The following ROCK2 variants were observed in gnomAD, a reference collection of about 807,000 sequenced individuals.
The protein encoded by ROCK2 is rho-associated protein kinase 2.
Under a neutral mutation model 195.1 loss-of-function variants are expected in ROCK2, and 61 were observed. The ratio of observed to expected loss-of-function variants is 0.31; its 90% CI spans 0.25 to 0.39. The LOEUF is 0.39. Ranked by LOEUF, ROCK2 falls within the 10% of genes least tolerant of loss-of-function variation. ROCK2 has a pLI of 1.00. For missense variants in ROCK2, 1,109 were observed against 1,637.4 expected, an observed-to-expected ratio of 0.68 and a Z score of 5.57; for synonymous variants, 504 against 545.5, an observed-to-expected ratio of 0.92 and a Z score of 1.06.
chr2:11,207,920 A>G lies in ROCK2; in HGVS notation c.2365-10T>C, dbSNP rs749415909. 3 of 1,542,830 alleles carry G rather than the reference A, an allele frequency of 1.9e-6. No individual in the cohort carries two copies. In the South Asian group the frequency reaches 3.8e-5, roughly 20 times the overall value. ...ATGTCAGGTTTCTAACCTAAGAAATAAATTGTGTACTTGGTATATAAGTAA... is the reference window on the plus strand; with the variant it reads ...ATGTCAGGTTTCTAACCTAAGAAATGAATTGTGTACTTGGTATATAAGTAA... On this transcript the variant is annotated splice_polypyrimidine_tract_variant and intron_variant, in intron 19 of 32. Transcript: ENST00000315872.
intron 3 of ROCK2, among the ~76,000 whole-genome samples, chr2:11,270,685 C>A (rs1341982690): frequency 6.6e-6 from 1 of 152,168 alleles, no homozygotes; most frequent in East Asian, 1.9e-4. Context: ...TTTTTGATCT[C>A]TAGAATTTAT....
chr2:11,192,343 G>C lies in ROCK2; in HGVS notation c.3968C>G (p.Thr1323Arg). ...TGCTAGTAATAACAGATTCTTTGCC[G>C]TTGAAATATCATAATATACTATAAA... is the stretch of plus-strand genomic sequence containing the variant. The part of the protein sequence containing the change: ...APCKVYYDIS[T>R]AKNLLLLANS... The change falls in exon 32 of 33, where the codon ACG becomes AGG. Residue 1323 changes from threonine (T) to arginine (R), a missense_variant. Thr to Arg is a moderately conservative substitution (Grantham distance 71, BLOSUM62 -1). This residue lies in a region of ROCK2 where 221 missense variants were observed against 355.1 expected (regional missense o/e 0.62). Transcript: ENST00000315872. The surrounding 1 kb of genome is among the most constrained non-coding windows in gnomAD (Gnocchi z 5.0). The C allele has an allele frequency of 6.2e-7, 1 of 1,611,986 alleles. No homozygotes were observed. Among genetic ancestry groups the C allele is most frequent in the Non-Finnish European group, 8.5e-7 (1 of 1,178,880 alleles).
rs1449311466 is a variant in ROCK2, at chr2:11,227,170, A to C, written c.868+84T>G. ...ATTCTTCCCTACGACAAAGGCAATT[A>C]ATTTCCTTATATTCTCAAATTCTTG... On this transcript the variant is annotated intron_variant, in intron 6 of 32. Transcript: ENST00000315872. The C allele has an allele frequency of 2.3e-6, 3 of 1,293,510 alleles. No homozygotes were observed. The Admixed American group carries it at 6.5e-5, about 28-fold the overall frequency. 80.1% of individuals were successfully genotyped at this position (1,293,510 alleles called of 1,614,324 possible). A position where few individuals can be genotyped will look rare whatever the true frequency, so the allele number is the denominator to read the frequency against.
At chr2:11,262,784 C>T (rs1666280161) in intron 3 of ROCK2, among the ~76,000 whole-genome samples, 1 of 152,146 alleles carries the variant, frequency 6.6e-6, no homozygotes, top group Non-Finnish European at 1.5e-5. Flanking sequence ...CAGACTAATA[C>T]ACTTGGAAAA....
At chr2:11,255,505 A>G (rs1256668532) in intron 3 of ROCK2, among the ~76,000 whole-genome samples, 1 of 151,232 alleles carries the variant, frequency 6.6e-6, no homozygotes, top group African/African-American at 2.5e-5. Flanking sequence ...AAAAGATGTT[A>G]GATTCAACTG....
intron 3 of ROCK2, among the ~76,000 whole-genome samples, chr2:11,285,113 T>C (rs2148190721): frequency 6.6e-6 from 1 of 151,942 alleles, no homozygotes; most frequent in East Asian, 1.9e-4. Context: ...AAATACAAAA[T>C]TGGCCAGGCG....
chr2:11,318,192 T>A (rs1282721306), intron 1 of ROCK2, among the ~76,000 whole-genome samples: 2 of 152,174 alleles, frequency 1.3e-5, no homozygotes, highest in African/African-American at 4.8e-5. Context: ...TGCCACACTG[T>A]CTTCCACAAT....
intron 1 of ROCK2, among the ~76,000 whole-genome samples, chr2:11,294,539 A>C (rs1183541469): frequency 6.6e-6 from 1 of 152,158 alleles, no homozygotes; most frequent in Non-Finnish European, 1.5e-5. Context: ...ATTTCCCAGA[A>C]CTGCACAGCT....
chr2:11,303,209 C>T (rs1667759229), intron 1 of ROCK2, among the ~76,000 whole-genome samples: 1 of 152,176 alleles, frequency 6.6e-6, no homozygotes. Context: ...TCTCTCCTTC[C>T]TAACTCCTAC....
Position 11,192,395 on chromosome 2 carries a change from G to C in ROCK2, c.3950-34C>G, listed in dbSNP as rs751977482. 1.2e-6 allele frequency: 2 copies of C among 1,602,848 alleles called. No individual in the cohort carries two copies. Among genetic ancestry groups the C allele is most frequent in the East Asian group, 2.2e-5 (1 of 44,828 alleles). ...AAAAATTAGAAAAAAAAATTAATGT[G>C]CTTAAAATGATCTGAACATAACCAA... On this transcript the variant is annotated intron_variant, in intron 31 of 32. Transcript: ENST00000315872. The surrounding 1 kb of genome is among the most constrained non-coding windows in gnomAD (Gnocchi z 5.0).
intron 11 of ROCK2, 174 bp from the exon 12 acceptor site, chr2:11,217,343 C>A (rs746489583): frequency 7.1e-6 from 5 of 707,206 alleles, no homozygotes; most frequent in African/African-American, 7.0e-5. Context: ...GAAAAACTCC[C>A]CCATCTCTTG....
rs191285718 is a variant in ROCK2 at position 11,210,566 on chromosome 2, C to T, written c.2203+1115G>A. Among the ~76,000 whole-genome samples the T allele has an allele frequency of 8.9e-3, 1,357 of 152,242 alleles. 19 individuals carry two copies. The highest frequency in any genetic ancestry group is 0.029 in the African/African-American group (1,201 of 41,530). On this transcript the variant is annotated intron_variant, in intron 18 of 32. Transcript: ENST00000315872. ...ATGTTGCCCATGCCGGTCTCAAACT[C>T]CTGGGCTCAAGAGATCCTCCCACCC...
intron 3 of ROCK2, among the ~76,000 whole-genome samples, chr2:11,263,672 C>CACAA (rs1553308491): frequency 4.5e-4 from 65 of 145,300 alleles, no homozygotes; most frequent in African/African-American, 1.3e-3. Flanking sequence ...CACACACACA[C>CACAA]AAAAAAAAAC....
intron 3 of ROCK2, among the ~76,000 whole-genome samples, chr2:11,283,245 C>T (rs568558775): frequency 3.7e-5 from 5 of 136,114 alleles, no homozygotes; most frequent in South Asian, 2.5e-4. Context: ...TCCAGCCTGG[C>T]GACAGAGACT....
At chr2:11,323,504 C>T (rs1327160679) in intron 1 of ROCK2, among the ~76,000 whole-genome samples, 1 of 152,164 alleles carries the variant, frequency 6.6e-6, no homozygotes, top group Admixed American at 6.5e-5. Flanking sequence ...GATGTTCTGA[C>T]TTTAATATAA....
At chr2:11,311,111 T>C (rs1668021057) in intron 1 of ROCK2, among the ~76,000 whole-genome samples, 1 of 151,918 alleles carries the variant, frequency 6.6e-6, no homozygotes, top group Non-Finnish European at 1.5e-5. Context: ...AATTCTACTA[T>C]CTAGTACAGT....
At chr2:11,241,366 A>C (rs948213583) in intron 4 of ROCK2, among the ~76,000 whole-genome samples, 2 of 152,230 alleles carry the variant, frequency 1.3e-5, no homozygotes, top group Non-Finnish European at 2.9e-5. Flanking sequence ...AGCAGATTAC[A>C]CATGTGTAAC....
At chr2:11,221,427 A>C in intron 8 of ROCK2, 70 bp from the exon 9 acceptor site, 1 of 1,123,394 alleles carries the variant, frequency 8.9e-7, no homozygotes, top group Non-Finnish European at 1.2e-6. Flanking sequence ...TTTTATTATG[A>C]TGTATTATTT....
intron 1 of ROCK2, among the ~76,000 whole-genome samples, chr2:11,315,841 C>T (rs2074920198): frequency 1.3e-5 from 2 of 152,052 alleles, no homozygotes; most frequent in Non-Finnish European, 2.9e-5. Flanking sequence ...TACCAGGGGC[C>T]TTCTTCAGTC....
Sources: allele counts gnomAD v4.1 joint callset (sites outside exome capture counted in the v4.1 genomes callset), GRCh38; gene constraint gnomAD v4.1.1; regional missense constraint gnomAD v4.1.1; non-coding constraint Gnocchi (gnomAD v3.1); transcripts MANE v1.5; gene names NCBI Gene and HGNC (gene_info 2026-07-23, HGNC 2026-07-21).